Variants in CSNK1D observed in about 807,000 individuals in gnomAD.
CSNK1D encodes casein kinase I isoform delta.
A neutral mutation model predicts 46.6 loss-of-function variants in CSNK1D; 16 were observed. The ratio of observed to expected loss-of-function variants is 0.34; its 90% confidence interval spans 0.23 to 0.52. CSNK1D has a LOEUF of 0.52. Among genes scored for constraint, CSNK1D ranks in the 20% least tolerant of loss-of-function variants. The probability of loss-of-function intolerance (pLI) is 0.95; values close to 1 mark genes in which losing one functional copy is unlikely to be tolerated. For synonymous variants in CSNK1D, 276 were observed against 228.2 expected (o/e 1.21, Z -1.89); for missense variants, 398 against 578.4 (o/e 0.69, Z 3.20).
rs965044095 is a variant in CSNK1D at position 82,252,352 on chromosome 17, C to G, written c.736+82G>C. On this transcript the variant is annotated intron_variant, in intron 5 of 8. Coordinates refer to ENST00000314028, the MANE Select transcript of CSNK1D (RefSeq NM_001893.6). The surrounding 1 kb of genome is among the most constrained non-coding windows in gnomAD (Gnocchi z 4.6). ...GGTGAGCAACTCTTCTGACAAAACC[C>G]AGACTGAGCCGTCTCGGCACACCCG... 1 of 1,537,634 alleles carries G rather than the reference C, an allele frequency of 6.5e-7. No homozygotes were observed. Among genetic ancestry groups the G allele is most frequent in the Middle Eastern group, 2.1e-4 (1 of 4,724 alleles).
chr17:82,267,581 C>T (rs917884216), intron 1 of CSNK1D, among the ~76,000 whole-genome samples: 1 of 152,192 alleles, frequency 6.6e-6, no homozygotes, highest in African/African-American at 2.4e-5. Flanking sequence ...TCAGAGTACT[C>T]GAGGTAACAA....
Position 82,244,318 on chromosome 17 carries a change from T to C in CSNK1D, c.*463A>G, listed in dbSNP as rs751822928. On this transcript the variant is annotated 3_prime_UTR_variant, in exon 9 of 9. Coordinates refer to ENST00000314028, the MANE Select transcript of CSNK1D (RefSeq NM_001893.6). Reference sequence around the variant, plus strand: ...TCAGAATTCCTTAGTCAACATTTTTTTTGTAAGACTGCAAAAACAGACAAG... The same window carrying C: ...TCAGAATTCCTTAGTCAACATTTTTCTTGTAAGACTGCAAAAACAGACAAG... The C allele has an allele frequency of 1.7e-5, 19 of 1,098,652 alleles. No homozygotes were observed. Among genetic ancestry groups the C allele is most frequent in the Non-Finnish European group, 2.0e-5 (18 of 894,958 alleles). The allele number at this position is 1,098,652 out of a possible 1,614,324, so 68.1% of individuals were successfully genotyped here.
chr17:82,260,772 G>T (rs1479435565), intron 2 of CSNK1D: 3 of 155,394 alleles, frequency 1.9e-5, no homozygotes. Flanking sequence ...TGACTGATGT[G>T]ACTGATGGTG....
At position 82,243,177 on chromosome 17, in the gene CSNK1D, G is replaced by A. The variant is rs915687947; in HGVS notation, c.*1604C>T. On this transcript the variant is annotated 3_prime_UTR_variant, in exon 9 of 9. Coordinates refer to ENST00000314028, the MANE Select transcript of CSNK1D (RefSeq NM_001893.6). The stretch of plus-strand genomic sequence containing the variant: ...AAAGCATCCATGGGCTCAGGCAGAC[G>A]GCCAGCCAGCTGGTGGGGGGGTGAA... 2.2e-5 allele frequency: 22 copies of A among 985,644 alleles called. No individual in the cohort carries two copies. Among genetic ancestry groups the A allele is most frequent in the South Asian group, 1.9e-4 (4 of 21,300 alleles). 61.1% of individuals were successfully genotyped at this position (985,644 alleles called of 1,614,324 possible). A position where few individuals can be genotyped will look rare whatever the true frequency, so the allele number is the denominator to read the frequency against.
In CSNK1D at chr17:82,249,562, C is replaced by T. The variant is rs1431828987; in HGVS notation, c.926G>A (p.Arg309Lys). 6.4e-7 allele frequency: 1 copy of T among 1,553,188 alleles called. No homozygotes were observed. Among genetic ancestry groups the T allele is most frequent in the African/African-American group, 1.4e-5 (1 of 74,046 alleles). The stretch of plus-strand genomic sequence containing the variant: ...GTGTCTCAGCCGCTCCTCTCGGTCC[C>T]TGCGCTCCCGCTCGGCGTCATCGGC... ...RAADDAERER[R>K]DREERLRHSR... Residue 309 changes from arginine to lysine, a missense_variant, in exon 7 of 9, where the codon AGG becomes AAG. Transcript: ENST00000314028. This position sits in a 1 kb window ranked among gnomAD's most constrained non-coding sequence, Gnocchi z 6.7.
intron 2 of CSNK1D, among the ~76,000 whole-genome samples, chr17:82,262,918 G>A (rs754143622): frequency 2.6e-5 from 4 of 152,196 alleles, no homozygotes; most frequent in Admixed American, 6.5e-5. Context: ...GATGGCTCAC[G>A]CCTATAATCC....
At chr17:82,269,438 G>C (rs182105067) in intron 1 of CSNK1D, among the ~76,000 whole-genome samples, 2 of 152,328 alleles carry the variant, frequency 1.3e-5, no homozygotes, top group East Asian at 3.9e-4. Context: ...TGGCTGGTCA[G>C]CATCTTGGGG....
Position 82,249,474 on chromosome 17 carries a change from C to T in CSNK1D, c.1014G>A (p.Gln338=), listed in dbSNP as rs1166339143. The T allele has an allele frequency of 1.3e-6, 2 of 1,541,658 alleles. No individual in the cohort carries two copies. The highest frequency in any genetic ancestry group is 2.0e-5 in the Admixed American group (1 of 50,978). The change falls in exon 7 of 9, where the codon CAG becomes CAA. Residue 338 remains glutamine (Q), a synonymous_variant. Transcript: ENST00000314028. The surrounding 1 kb of genome is among the most constrained non-coding windows in gnomAD (Gnocchi z 6.7). ...TGAGGGGTGTGGGGGGAGCCACTTC[C>T]TGCGTCCCCCGCAGGCGGCCGGAGG... The part of the protein sequence containing the change: ...STASGRLRGT[Q]EVAPPTPLTP...
Position 82,255,386 on chromosome 17 carries a change from T to C in CSNK1D, c.336+43A>G, listed in dbSNP as rs1599596819. 2 of 1,610,924 alleles carry C rather than the reference T, an allele frequency of 1.2e-6. No individual in the cohort carries two copies. Among genetic ancestry groups the C allele is most frequent in the East Asian group, 2.2e-5 (1 of 44,862 alleles). On this transcript the variant is annotated intron_variant, in intron 3 of 8. Transcript: ENST00000314028. The surrounding 1 kb of genome is among the most constrained non-coding windows in gnomAD (Gnocchi z 5.9). ...CAGCACAAGCGAGTGGCTGATTCTA[T>C]CAGACAGCAAGTGTGTGCCAACTGT... is the stretch of plus-strand genomic sequence containing the variant.
Position 82,252,631 on chromosome 17 carries a change from G to C in CSNK1D, c.566-27C>G, listed in dbSNP as rs1375225730. 1.2e-6 allele frequency: 2 copies of C among 1,610,108 alleles called. No individual in the cohort carries two copies. Among genetic ancestry groups the C allele is most frequent in the Non-Finnish European group, 1.7e-6 (2 of 1,178,972 alleles). The stretch of plus-strand genomic sequence containing the variant: ...TGAAAAGAAAAGGGAAAGGCGTGAA[G>C]AACGGCACTTGCGTGCTCACGTCAA... On this transcript the variant is annotated intron_variant, in intron 4 of 8. Coordinates refer to ENST00000314028, the MANE Select transcript of CSNK1D (RefSeq NM_001893.6). The surrounding 1 kb of genome is among the most constrained non-coding windows in gnomAD (Gnocchi z 4.6).
Position 82,242,977 on chromosome 17 carries a change from C to T in CSNK1D, c.*1804G>A, listed in dbSNP as rs1330819701. 1.1e-5 allele frequency: 11 copies of T among 985,328 alleles called. No homozygotes were observed. The highest frequency in any genetic ancestry group is 6.2e-5 in the Admixed American group (1 of 16,260). The allele number at this position is 985,328 out of a possible 1,614,324, so 61.0% of individuals were successfully genotyped here. ...GCTTGCGCCACTTCAGGCCACAGCGCGACGTCTCTCCGGGTGGGGGACGTC... is the reference window on the plus strand; with the variant it reads ...GCTTGCGCCACTTCAGGCCACAGCGTGACGTCTCTCCGGGTGGGGGACGTC... On this transcript the variant is annotated 3_prime_UTR_variant, in exon 9 of 9. Coordinates refer to ENST00000314028, the MANE Select transcript of CSNK1D (RefSeq NM_001893.6).
intron 8 of CSNK1D, chr17:82,245,301 G>A (rs1234606066): frequency 2.1e-5 from 6 of 290,194 alleles, no homozygotes; most frequent in African/African-American, 1.1e-4. Context: ...CGCCGAGCGC[G>A]CGTGGCCGCC....
At chr17:82,263,914 T>C (rs1285103576) in intron 2 of CSNK1D, among the ~76,000 whole-genome samples, 1 of 152,194 alleles carries the variant, frequency 6.6e-6, no homozygotes, top group Non-Finnish European at 1.5e-5. Context: ...TGCTGAGCTT[T>C]CCCTGGGTTG....
At chr17:82,242,470 G>A (rs1034279240), downstream of CSNK1D, among the ~76,000 whole-genome samples, 2 of 151,866 alleles carry the variant, frequency 1.3e-5, no homozygotes, top group Non-Finnish European at 1.5e-5. Flanking sequence ...GGGCAGCACG[G>A]CGAGGAGCAG....
Position 82,263,413 on chromosome 17 carries a change from C to G in CSNK1D, c.187+2273G>C, listed in dbSNP as rs142475864. ...ACATGAAGGTGCAGGCTTCTTTACT[C>G]TCTTAAGCCAGCGGCCACAGGGGAA... On this transcript the variant is annotated intron_variant, in intron 2 of 8. Transcript: ENST00000314028. Among the ~76,000 whole-genome samples, 73 of 152,338 alleles carry G rather than the reference C, an allele frequency of 4.8e-4. 4 individuals carry two copies. In the East Asian group the frequency reaches 0.014, roughly 29 times the overall value.
downstream of CSNK1D, among the ~76,000 whole-genome samples, chr17:82,241,329 C>G (rs984225480): frequency 6.6e-6 from 1 of 152,202 alleles, no homozygotes; most frequent in African/African-American, 2.4e-5. Context: ...CTCAGCCTTC[C>G]GAGGGGTCTA....
chr17:82,256,280 A>G (rs2051172525), intron 2 of CSNK1D, among the ~76,000 whole-genome samples: 1 of 152,166 alleles, frequency 6.6e-6, no homozygotes, highest in African/African-American at 2.4e-5. Context: ...GGAGGCTGAA[A>G]CGGGAGGACT....
intron 2 of CSNK1D, among the ~76,000 whole-genome samples, chr17:82,256,724 C>T (rs900196636): frequency 1.3e-5 from 2 of 152,050 alleles, no homozygotes; most frequent in South Asian, 4.1e-4. Context: ...CTCAAAATGC[C>T]ACCCCCAAAA....
In CSNK1D at chr17:82,251,917, C is replaced by A. The variant is rs998898098; in HGVS notation, c.737-390G>T. ...GCTGACGCAGGAGAATGGTATGAAC[C>A]CGGGAGGCGGAGCTTGCAGTGAGCC... On this transcript the variant is annotated intron_variant, in intron 5 of 8. Coordinates refer to ENST00000314028, the MANE Select transcript of CSNK1D (RefSeq NM_001893.6). This position sits in a 1 kb window ranked among gnomAD's most constrained non-coding sequence, Gnocchi z 4.5. 1.3e-4 allele frequency: 42 copies of A among 332,536 alleles called. 1 individual carries two copies. Among genetic ancestry groups the A allele is most frequent in the South Asian group, 1.1e-3 (42 of 39,074 alleles). 20.6% of individuals were successfully genotyped at this position (332,536 alleles called of 1,614,324 possible).
Sources: gnomAD v4.1 joint callset for allele counts (sites outside exome capture counted in the v4.1 genomes callset) on GRCh38, gnomAD v4.1.1 for gene constraint, Gnocchi (gnomAD v3.1) non-coding constraint, MANE v1.5 for transcripts, NCBI Gene and HGNC (gene_info 2026-07-23, HGNC 2026-07-21) for gene names.